The following C8orf74 variants were observed in gnomAD, a reference collection of about 807,000 sequenced individuals.
The protein encoded by C8orf74 is uncharacterized protein C8orf74.
A neutral mutation model predicts 22.2 loss-of-function variants in C8orf74; 29 were observed. The ratio of observed to expected loss-of-function variants is 1.31; its 90% CI spans 0.97 to 1.78. The LOEUF (loss-of-function observed/expected upper bound fraction) is 1.78. C8orf74 is among the 40% of genes most tolerant of loss of function. The probability of loss-of-function intolerance (pLI) is 0.00; values close to 1 mark genes in which losing one functional copy is unlikely to be tolerated. For synonymous variants in C8orf74, 255 were observed against 163.1 expected, an observed-to-expected ratio of 1.56 and a Z score of -4.30; for missense variants, 515 against 369.9, an observed-to-expected ratio of 1.39 and a Z score of -3.22.
Position 10,697,607 on chromosome 8 carries a change from A to T in C8orf74, c.250A>T (p.Ile84Phe). ...GGCCCCTGTGCCTACAGGCTGCTCC[A>T]TTACTGAGGCTGTGACGATCCTGGG... ...ELLRETKGCS[I>F]TEAVTILGNK... Residue 84 changes from isoleucine (I) to phenylalanine (F), a missense_variant, in exon 3 of 4, where the codon ATT (isoleucine) becomes TTT (phenylalanine). Physicochemically the swap from Ile to Phe is conservative, Grantham distance 21. Transcript: ENST00000304519. The T allele has an allele frequency of 6.2e-7, 1 of 1,613,456 alleles. No homozygotes were observed. Among genetic ancestry groups the T allele is most frequent in the Non-Finnish European group, 8.5e-7 (1 of 1,179,610 alleles).
intron 2 of C8orf74, 90 bp downstream of exon 2, chr8:10,674,928 C>A (rs1479872789): frequency 8.7e-7 from 1 of 1,149,132 alleles, no homozygotes; most frequent in Non-Finnish European, 1.2e-6. Context: ...GCCCCAGCAG[C>A]CTTGGAGGAG....
chr8:10,687,615 CAAA>C (rs374455264), intron 2 of C8orf74, among the ~76,000 whole-genome samples: 3 of 53,072 alleles, frequency 5.7e-5, no homozygotes, highest in Admixed American at 4.1e-4. Flanking sequence ...GACTCCATCT[CAAA>C]AAAAAAAAAA....
chr8:10,674,920 C>T (rs1799001920), intron 2 of C8orf74, 82 bp downstream of exon 2: 1 of 1,233,088 alleles, frequency 8.1e-7, no homozygotes, highest in Admixed American at 2.5e-5. Context: ...CGTCCACAGC[C>T]CCAGCAGCCT....
At chr8:10,679,267 C>T (rs1283114841) in intron 2 of C8orf74, among the ~76,000 whole-genome samples, 6 of 152,154 alleles carry the variant, frequency 3.9e-5, no homozygotes. Flanking sequence ...CTTTATGTTA[C>T]ACCCGCTTGC....
At chr8:10,677,843 C>G (rs535515034) in intron 2 of C8orf74, among the ~76,000 whole-genome samples, 29 of 152,278 alleles carry the variant, frequency 1.9e-4, no homozygotes, top group African/African-American at 6.7e-4. Context: ...AGATTGGCAT[C>G]AGGCTGGCAG....
At chr8:10,675,361 C>A (rs543871024) in intron 2 of C8orf74, among the ~76,000 whole-genome samples, 1 of 152,346 alleles carries the variant, frequency 6.6e-6, no homozygotes, top group Non-Finnish European at 1.5e-5. Context: ...GCATGAGGAG[C>A]TGTGGTCACT....
At chr8:10,683,119 T>C (rs1337995414) in intron 2 of C8orf74, among the ~76,000 whole-genome samples, 1 of 152,188 alleles carries the variant, frequency 6.6e-6, no homozygotes. Flanking sequence ...GAGACCCCCA[T>C]GGCGAGTGGG....
rs764372980 is a variant in C8orf74 at position 10,697,632 on chromosome 8, G to A, written c.275G>A (p.Gly92Glu). 3.7e-6 allele frequency: 6 copies of A among 1,613,920 alleles called. No homozygotes were observed. In the East Asian group the frequency reaches 1.1e-4, roughly 30 times the overall value. The change falls in exon 3 of 4, where the codon GGG becomes GAG. Residue 92 changes from glycine (G) to glutamate (E), a missense_variant. Gly to Glu is a moderately conservative substitution (Grantham distance 98, BLOSUM62 -2). Coordinates refer to ENST00000304519, the MANE Select transcript of C8orf74 (RefSeq NM_001040032.2). ...CSITEAVTIL[G>E]NKLRDYRGHF... ...ATTACTGAGGCTGTGACGATCCTGG[G>A]GAACAAGCTTAGAGATTACCGGGGC...
intron 2 of C8orf74, among the ~76,000 whole-genome samples, chr8:10,683,476 T>G (rs551980826): frequency 1.3e-5 from 2 of 152,220 alleles, no homozygotes; most frequent in East Asian, 3.9e-4. Context: ...GAGGATGGAG[T>G]AGCCACATCT....
At chr8:10,682,632 C>T (rs1415270011) in intron 2 of C8orf74, among the ~76,000 whole-genome samples, 1 of 152,160 alleles carries the variant, frequency 6.6e-6, no homozygotes, top group Non-Finnish European at 1.5e-5. Context: ...GGACCCTAAT[C>T]GCCTCTATAA....
chr8:10,673,592 A>C (rs1309686032), intron 1 of C8orf74: 1 of 153,686 alleles, frequency 6.5e-6, no homozygotes, highest in Non-Finnish European at 1.5e-5. Context: ...AGGCAGGGGG[A>C]TAGGGATCGT....
chr8:10,698,349 C>A (rs537382159), intron 3 of C8orf74, among the ~76,000 whole-genome samples: 1 of 152,110 alleles, frequency 6.6e-6, no homozygotes, highest in Non-Finnish European at 1.5e-5. Context: ...CCAAGAGAGG[C>A]AGGAAAAAGA....
At chr8:10,698,801 G>A (rs1799587481) in intron 3 of C8orf74, among the ~76,000 whole-genome samples, 1 of 152,022 alleles carries the variant, frequency 6.6e-6, no homozygotes, top group South Asian at 2.1e-4. Context: ...TTGGAGTGGG[G>A]GAGTTGCAGG....
rs548718031 is a variant in C8orf74, at chr8:10,681,822, C to T, written c.241+6984C>T. On this transcript the variant is annotated intron_variant, in intron 2 of 3. Coordinates refer to ENST00000304519, the MANE Select transcript of C8orf74 (RefSeq NM_001040032.2). ...GGGACTTGTGACCGGTCAGTGGAGG[C>T]ACAGGGCAGCCGGGTGAGTGCCTGG... Among the ~76,000 whole-genome samples, 8 of 152,330 alleles carry T rather than the reference C, an allele frequency of 5.3e-5. No individual in the cohort carries two copies. The South Asian group carries it at 1.0e-3, about 20-fold the overall frequency.
At chr8:10,678,423 G>A (rs1467338722) in intron 2 of C8orf74, among the ~76,000 whole-genome samples, 3 of 152,094 alleles carry the variant, frequency 2.0e-5, no homozygotes, top group Non-Finnish European at 2.9e-5. Context: ...AGCAGGATGT[G>A]ATCCAGAAAC....
rs1261731302 is a variant in C8orf74, at chr8:10,697,584, C to A, written c.242-15C>A. 1 of 1,607,082 alleles carries A rather than the reference C, an allele frequency of 6.2e-7. No homozygotes were observed. Among genetic ancestry groups the A allele is most frequent in the African/African-American group, 1.3e-5 (1 of 74,924 alleles). ...TGTCCCACTCCCACTCTGTTCTTGG[C>A]CCCTGTGCCTACAGGCTGCTCCATT... is the stretch of plus-strand genomic sequence containing the variant. On this transcript the variant is annotated splice_polypyrimidine_tract_variant and intron_variant, in intron 2 of 3. Transcript: ENST00000304519.
intron 2 of C8orf74, among the ~76,000 whole-genome samples, chr8:10,683,649 C>T (rs1352180960): frequency 6.6e-6 from 1 of 152,208 alleles, no homozygotes; most frequent in African/African-American, 2.4e-5. Flanking sequence ...GGCAGTGCCC[C>T]AGCTGTGGCT....
intron 3 of C8orf74, 117 bp from the exon 4 acceptor site, chr8:10,700,118 C>T (rs2129059579): frequency 1.6e-6 from 1 of 616,166 alleles, no homozygotes. Context: ...GGCCCGTGGG[C>T]AGGGTGAGAC....
chr8:10,675,933 T>A (rs895350478), intron 2 of C8orf74: 3 of 152,170 alleles, frequency 2.0e-5, no homozygotes, highest in Non-Finnish European at 4.4e-5. Context: ...AATGAGGTTA[T>A]TGGGAGAACT....
Sources: gnomAD v4.1 joint callset for allele counts (sites outside exome capture counted in the v4.1 genomes callset) on GRCh38, gnomAD v4.1.1 for gene constraint, MANE v1.5 for transcripts, NCBI Gene and HGNC (gene_info 2026-07-23, HGNC 2026-07-21) for gene names.